The following CDH13 variants were observed in gnomAD, a reference collection of about 807,000 sequenced individuals.
The protein encoded by CDH13 is cadherin-13.
A neutral mutation model predicts 63.8 loss-of-function variants in CDH13; 24 were observed. The observed-to-expected ratio is 0.38, with a 90% CI of 0.27 to 0.53. The LOEUF is 0.53. CDH13 is among the 20% of genes least tolerant of loss of function. The probability of loss-of-function intolerance (pLI) is 0.85; values close to 1 mark genes in which losing one functional copy is unlikely to be tolerated. For synonymous variants in CDH13, 503 were observed against 355.3 expected (o/e 1.42, Z -4.67); for missense variants, 1,049 against 903.1 (o/e 1.16, Z -2.07).
chr16:82,890,882 C>T (rs932632300), intron 2 of CDH13, among the ~76,000 whole-genome samples: 3 of 151,992 alleles, frequency 2.0e-5, no homozygotes, highest in African/African-American at 7.2e-5. Flanking sequence ...GAACTCCTGA[C>T]CTCCAGTGAT....
At chr16:83,490,661 C>A (rs1338792512) in intron 7 of CDH13, among the ~76,000 whole-genome samples, 2 of 152,106 alleles carry the variant, frequency 1.3e-5, no homozygotes, top group African/African-American at 4.8e-5. Context: ...ATTGCCAGTA[C>A]CTAGCACATG....
intron 3 of CDH13, among the ~76,000 whole-genome samples, chr16:83,098,647 T>A (rs1369275698): frequency 1.3e-5 from 2 of 152,230 alleles, no homozygotes; most frequent in Non-Finnish European, 2.9e-5. Flanking sequence ...TTGACAAATT[T>A]TATTTTTCTT....
At chr16:83,127,995 C>T (rs956350948) in intron 4 of CDH13, among the ~76,000 whole-genome samples, 7 of 152,142 alleles carry the variant, frequency 4.6e-5, no homozygotes, top group African/African-American at 1.2e-4. Flanking sequence ...ATGCCAGATG[C>T]CAAGGGACCT....
At chr16:83,216,224 A>C (rs907567310) in intron 4 of CDH13, among the ~76,000 whole-genome samples, 11 of 151,250 alleles carry the variant, frequency 7.3e-5, no homozygotes, top group African/African-American at 2.4e-4. Context: ...GTAAATTCAG[A>C]AACGACAGTG....
intron 2 of CDH13, among the ~76,000 whole-genome samples, chr16:82,875,029 C>T (rs2040459781): frequency 1.3e-5 from 2 of 152,206 alleles, no homozygotes; most frequent in Admixed American, 1.3e-4. Context: ...AGAGAAGATA[C>T]ACCTCCCAAA....
intron 5 of CDH13, among the ~76,000 whole-genome samples, chr16:83,241,201 A>G (rs11646397): frequency 0.094 from 14,237 of 152,188 alleles, 978 homozygotes; most frequent in Non-Finnish European, 0.13. Context: ...CATTGTGTGG[A>G]TATACCACAT....
At chr16:82,763,439 C>T (rs1403979924) in intron 1 of CDH13, among the ~76,000 whole-genome samples, 1 of 152,128 alleles carries the variant, frequency 6.6e-6, no homozygotes, top group Admixed American at 6.5e-5. Context: ...CCTGGCAGAG[C>T]ACCTGTGACA....
chr16:83,109,799 CTG>C (rs1248605024), intron 3 of CDH13, among the ~76,000 whole-genome samples: 2 of 152,212 alleles, frequency 1.3e-5, no homozygotes, highest in African/African-American at 4.8e-5. Flanking sequence ...TAGAGGGAAA[CTG>C]TATCCATTAT....
chr16:82,857,287 A>C (rs952154845), intron 1 of CDH13, among the ~76,000 whole-genome samples: 1 of 152,208 alleles, frequency 6.6e-6, no homozygotes, highest in Non-Finnish European at 1.5e-5. Flanking sequence ...GAGATGATGC[A>C]TATGGTGAGT....
chr16:83,321,381 C>T (rs1024772334), intron 5 of CDH13, among the ~76,000 whole-genome samples: 1 of 152,152 alleles, frequency 6.6e-6, no homozygotes, highest in Admixed American at 6.5e-5. Context: ...ACTCACCCTT[C>T]ATTGGCATCG....
At chr16:83,264,206 A>C (rs1014882107) in intron 5 of CDH13, among the ~76,000 whole-genome samples, 3 of 152,134 alleles carry the variant, frequency 2.0e-5, no homozygotes, top group African/African-American at 7.2e-5. Context: ...ATCCAGTATG[A>C]TGCTCTCCTG....
chr16:83,102,177 G>T (rs12923398), intron 3 of CDH13, among the ~76,000 whole-genome samples: 6 of 152,142 alleles, frequency 3.9e-5, no homozygotes, highest in African/African-American at 9.7e-5. Context: ...GATACCTTCT[G>T]GTGTACATCT....
At chr16:82,886,321 T>C (rs983387252) in intron 2 of CDH13, among the ~76,000 whole-genome samples, 2 of 152,226 alleles carry the variant, frequency 1.3e-5, no homozygotes, top group African/African-American at 4.8e-5. Context: ...CTGAATCATA[T>C]TGCCACAGTG....
chr16:83,171,648 C>A, intron 4 of CDH13: 1 of 1,199,898 alleles, frequency 8.3e-7, no homozygotes, highest in Non-Finnish European at 1.2e-6. Context: ...TATATGCCAT[C>A]AGGGGATTTA....
intron 6 of CDH13, among the ~76,000 whole-genome samples, chr16:83,460,877 G>A (rs2073159234): frequency 6.6e-6 from 1 of 150,514 alleles, no homozygotes; most frequent in South Asian, 2.1e-4. Context: ...GGCGGCCCAT[G>A]CCTATGGTCC....
At chr16:82,940,116 A>G (rs1231063952) in intron 2 of CDH13, among the ~76,000 whole-genome samples, 3 of 152,148 alleles carry the variant, frequency 2.0e-5, no homozygotes, top group Non-Finnish European at 4.4e-5. Flanking sequence ...ATTATTTCCC[A>G]CCAGGTCCCT....
intron 6 of CDH13, among the ~76,000 whole-genome samples, chr16:83,364,649 G>A (rs552190080): frequency 2.0e-5 from 3 of 152,322 alleles, no homozygotes; most frequent in East Asian, 1.9e-4. Context: ...CTAGGGACCA[G>A]TGAAAGTAGA....
At chr16:83,089,617 G>A (rs1417529315) in intron 3 of CDH13, among the ~76,000 whole-genome samples, 2 of 152,198 alleles carry the variant, frequency 1.3e-5, no homozygotes, top group African/African-American at 4.8e-5. Flanking sequence ...ACAGTTTAGT[G>A]GAAGATTGCC....
intron 2 of CDH13, among the ~76,000 whole-genome samples, chr16:82,933,087 G>T (rs1597241536): frequency 6.6e-6 from 1 of 152,108 alleles, no homozygotes; most frequent in Middle Eastern, 3.2e-3. Context: ...TGAATCAAAT[G>T]ATTCAGGGTT....
Sources: gnomAD v4.1 joint callset for allele counts (sites outside exome capture counted in the v4.1 genomes callset) on GRCh38, gnomAD v4.1.1 for gene constraint, MANE v1.5 for transcripts, NCBI Gene and HGNC (gene_info 2026-07-23, HGNC 2026-07-21) for gene names.